Variants in GFRA1 observed in about 807,000 individuals in gnomAD.
GFRA1 encodes GDNF family receptor alpha 1.
In GFRA1, 16 loss-of-function variants were observed where a neutral mutation model predicts 51.6. That is an observed-to-expected ratio of 0.31 (90% CI 0.21 to 0.47). GFRA1 has a LOEUF of 0.47. GFRA1 is among the 20% of genes least tolerant of loss of function. The pLI is 1.00. For synonymous variants in GFRA1, 270 were observed against 241.3 expected (o/e 1.12, Z -1.10); for missense variants, 530 against 594.3 (o/e 0.89, Z 1.13).
intron 5 of GFRA1, among the ~76,000 whole-genome samples, chr10:116,186,021 G>T (rs1008192967): frequency 1.3e-5 from 2 of 152,090 alleles, no homozygotes; most frequent in African/African-American, 2.4e-5. Flanking sequence ...GGGAGGTAGG[G>T]GGGTAGTAGG....
At chr10:116,116,376 A>G (rs1957413971) in intron 6 of GFRA1, among the ~76,000 whole-genome samples, 2 of 152,284 alleles carry the variant, frequency 1.3e-5, no homozygotes, top group South Asian at 4.1e-4. Flanking sequence ...TGGATTATTT[A>G]GAGCTGGTTG....
At chr10:116,163,872 A>T (rs1960097028) in intron 5 of GFRA1, among the ~76,000 whole-genome samples, 1 of 152,128 alleles carries the variant, frequency 6.6e-6, no homozygotes. Flanking sequence ...TGTGTCCCCG[A>T]GTTTGATCTG....
chr10:116,208,817 C>T (rs945571025), intron 5 of GFRA1, among the ~76,000 whole-genome samples: 1 of 152,190 alleles, frequency 6.6e-6, no homozygotes, highest in African/African-American at 2.4e-5. Context: ...GTCCTGACTT[C>T]ATCATTAGTA....
intron 9 of GFRA1, among the ~76,000 whole-genome samples, chr10:116,067,443 T>C (rs910941422): frequency 6.6e-6 from 1 of 152,224 alleles, no homozygotes; most frequent in African/African-American, 2.4e-5. Flanking sequence ...CATTATGTCC[T>C]CAAGTTCTTC....
At chr10:116,241,248 A>G (rs2134632747) in intron 4 of GFRA1, among the ~76,000 whole-genome samples, 1 of 152,342 alleles carries the variant, frequency 6.6e-6, no homozygotes, top group African/African-American at 2.4e-5. Flanking sequence ...ACACATGTCC[A>G]AGAACCTGTC....
At position 116,214,838 on chromosome 10, in the gene GFRA1, G is replaced by A. The variant is rs370066195; in HGVS notation, c.419-3193C>T. 3.5e-4 allele frequency among the ~76,000 whole-genome samples: 53 copies of A among 152,246 alleles called. No homozygotes were observed. In the East Asian group the frequency reaches 9.5e-3, roughly 27 times the overall value. On this transcript the variant is annotated intron_variant, in intron 4 of 10. Transcript: ENST00000355422. ...ACAGGGAGGATGGAAATTCGGGCAGGGATTTAGTGACTTTATTCTGTCCAC... is the reference window on the plus strand; with the variant it reads ...ACAGGGAGGATGGAAATTCGGGCAGAGATTTAGTGACTTTATTCTGTCCAC...
Position 116,163,733 on chromosome 10 carries a change from T to C in GFRA1, c.434-38176A>G, listed in dbSNP as rs141175372. 6.8e-4 allele frequency among the ~76,000 whole-genome samples: 104 copies of C among 152,162 alleles called. 1 individual carries two copies. In the East Asian group the frequency reaches 0.018, roughly 27 times the overall value. ...TCAGAATGGAATGCACACGGTAAGT[T>C]TGTGAGCCACGGAGGCAGGGGATCT... On this transcript the variant is annotated intron_variant, in intron 5 of 10. Coordinates refer to ENST00000355422, the MANE Select transcript of GFRA1 (RefSeq NM_005264.8).
intron 4 of GFRA1, among the ~76,000 whole-genome samples, chr10:116,267,788 G>A (rs962606357): frequency 6.6e-6 from 1 of 152,152 alleles, no homozygotes; most frequent in African/African-American, 2.4e-5. Flanking sequence ...CCTCTCCACT[G>A]CTTAAACCAT....
chr10:116,249,376 A>T (rs1968128202), intron 4 of GFRA1, among the ~76,000 whole-genome samples: 1 of 152,140 alleles, frequency 6.6e-6, no homozygotes, highest in Admixed American at 6.5e-5. Flanking sequence ...GTCACTGCAG[A>T]TGTCGCCCCC....
chr10:116,256,378 G>A (rs375631751), intron 4 of GFRA1, among the ~76,000 whole-genome samples: 3 of 152,206 alleles, frequency 2.0e-5, no homozygotes, highest in Non-Finnish European at 2.9e-5. Context: ...GGGTCCACCC[G>A]GTAGGTCCTG....
intron 5 of GFRA1, among the ~76,000 whole-genome samples, chr10:116,138,635 A>ACCCCCCCCCCC (rs368825109): frequency 7.5e-5 from 9 of 120,242 alleles, no homozygotes; most frequent in South Asian, 7.0e-4. Context: ...GATGGTAGGA[A>ACCCCCCCCCCC]CCCCCCCCCG....
intron 5 of GFRA1, among the ~76,000 whole-genome samples, chr10:116,184,678 G>A (rs1487086327): frequency 2.6e-5 from 4 of 152,214 alleles, no homozygotes; most frequent in African/African-American, 9.7e-5. Flanking sequence ...CTCATCAGAG[G>A]GTCACAGCAG....
At position 116,255,623 on chromosome 10, in the gene GFRA1, T is replaced by C. The variant is rs1238120546; in HGVS notation, c.418+13880A>G. The C allele has an allele frequency of 3.1e-6, 4 of 1,288,406 alleles. No homozygotes were observed. The East Asian group carries it at 1.7e-4, about 54-fold the overall frequency. The allele number at this position is 1,288,406 out of a possible 1,614,324, so 79.8% of individuals were successfully genotyped here. ...CACGCCCTTTCCTTTTCCACTGATG[T>C]GTTAGCTCACCTGGAATCCACTCCC... On this transcript the variant is annotated intron_variant, in intron 4 of 10. Coordinates refer to ENST00000355422, the MANE Select transcript of GFRA1 (RefSeq NM_005264.8).
chr10:116,095,972 T>C (rs940519163), intron 7 of GFRA1, among the ~76,000 whole-genome samples: 1 of 152,150 alleles, frequency 6.6e-6, no homozygotes, highest in Non-Finnish European at 1.5e-5. Flanking sequence ...CAGCCCCTGG[T>C]ATCCAGGGGT....
chr10:116,235,863 C>A (rs1188433385), intron 4 of GFRA1, among the ~76,000 whole-genome samples: 1 of 152,138 alleles, frequency 6.6e-6, no homozygotes, highest in Admixed American at 6.5e-5. Context: ...TGGCCGCCAT[C>A]TTGTAGGAAA....
At chr10:116,243,921 G>T (rs1357649575) in intron 4 of GFRA1, among the ~76,000 whole-genome samples, 2 of 152,146 alleles carry the variant, frequency 1.3e-5, no homozygotes, top group Non-Finnish European at 2.9e-5. Flanking sequence ...CATGAAGCTT[G>T]TAAGAGTGGG....
chr10:116,129,810 T>G (rs2134044501), intron 5 of GFRA1, among the ~76,000 whole-genome samples: 1 of 152,154 alleles, frequency 6.6e-6, no homozygotes, highest in South Asian at 2.1e-4. Flanking sequence ...GCATATGTGA[T>G]TTTTCATTAA....
intron 5 of GFRA1, among the ~76,000 whole-genome samples, chr10:116,190,944 A>C (rs925615760): frequency 6.6e-6 from 1 of 152,220 alleles, no homozygotes; most frequent in Non-Finnish European, 1.5e-5. Context: ...AGAACAGGTA[A>C]AAGATCTCCC....
At chr10:116,157,194 G>T (rs1959231983) in intron 5 of GFRA1, among the ~76,000 whole-genome samples, 1 of 152,182 alleles carries the variant, frequency 6.6e-6, no homozygotes, top group African/African-American at 2.4e-5. Flanking sequence ...AGTGAAGTCT[G>T]GAAGTAGAAT....
Sources: allele counts gnomAD v4.1 joint callset (sites outside exome capture counted in the v4.1 genomes callset), GRCh38; gene constraint gnomAD v4.1.1; transcripts MANE v1.5; gene names NCBI Gene and HGNC (gene_info 2026-07-23, HGNC 2026-07-21).